The following PTGER3 variants were observed in gnomAD, a reference collection of about 807,000 sequenced individuals.
PTGER3 encodes the protein prostaglandin E receptor 3, also known as prostaglandin E2 receptor EP3 subtype.
In PTGER3, 22 loss-of-function variants were observed where a neutral mutation model predicts 34.7. That is an observed-to-expected ratio of 0.63 (90% CI 0.45 to 0.91). PTGER3 has a LOEUF of 0.91. PTGER3 is among the 40% of genes least tolerant of loss of function. PTGER3 has a pLI of 0.00. For missense variants in PTGER3, 468 were observed against 519.4 expected (o/e 0.90, Z 0.96); for synonymous variants, 241 against 230.1 (o/e 1.05, Z -0.43).
At chr1:70,919,113 AT>A (rs1647297550) in intron 4 of PTGER3, among the ~76,000 whole-genome samples, 1 of 152,160 alleles carries the variant, frequency 6.6e-6, no homozygotes, top group Middle Eastern at 3.4e-3. Context: ...TGGGCTCTAT[AT>A]TTCTTTTATC....
intron 4 of PTGER3, among the ~76,000 whole-genome samples, chr1:70,858,401 T>C (rs2100459847): frequency 6.6e-6 from 1 of 152,312 alleles, no homozygotes; most frequent in Non-Finnish European, 1.5e-5. Context: ...TCTAAATTTC[T>C]ATTATTCTCT....
At chr1:70,996,909 G>C (rs1656034106) in intron 2 of PTGER3, among the ~76,000 whole-genome samples, 2 of 152,058 alleles carry the variant, frequency 1.3e-5, no homozygotes, top group Non-Finnish European at 1.5e-5. Context: ...TGATCCGCCC[G>C]CCTTGGCCTC....
chr1:70,888,225 G>C (rs2100256488), intron 4 of PTGER3, among the ~76,000 whole-genome samples: 1 of 152,128 alleles, frequency 6.6e-6, no homozygotes, highest in Non-Finnish European at 1.5e-5. Flanking sequence ...TCAAAGTGAT[G>C]GCCTTTTATG....
Position 70,978,021 on chromosome 1 carries a change from A to G in PTGER3, c.1078-3633T>C, listed in dbSNP as rs889507893. ...ATTATTTGTAATCGGTACTCTTATC[A>G]TCTTCACTTGAGATATGCAGAAACT... is the stretch of plus-strand genomic sequence containing the variant. On this transcript the variant is annotated intron_variant, in intron 2 of 3. Transcript: ENST00000306666. 3.0e-4 allele frequency among the ~76,000 whole-genome samples: 45 copies of G among 152,238 alleles called. 1 individual carries two copies. Among genetic ancestry groups the G allele is most frequent in the Middle Eastern group, 3.4e-3 (1 of 294 alleles).
At chr1:70,983,903 G>A (rs1274279501) in intron 2 of PTGER3, among the ~76,000 whole-genome samples, 1 of 152,142 alleles carries the variant, frequency 6.6e-6, no homozygotes, top group Non-Finnish European at 1.5e-5. Flanking sequence ...ATCCCTGGAA[G>A]TAGACTTTAA....
At chr1:70,927,792 G>A (rs984861307) in intron 4 of PTGER3, among the ~76,000 whole-genome samples, 1 of 152,118 alleles carries the variant, frequency 6.6e-6, no homozygotes, top group African/African-American at 2.4e-5. Context: ...AAACAGCCAA[G>A]TGGCCAATGA....
chr1:70,859,161 C>T (rs1222821295), intron 4 of PTGER3, among the ~76,000 whole-genome samples: 2 of 152,146 alleles, frequency 1.3e-5, no homozygotes, highest in Non-Finnish European at 2.9e-5. Context: ...GTGAGATGCT[C>T]CTATTCTCAT....
In PTGER3 at chr1:70,971,502, G is replaced by A. The variant is rs1653074173; in HGVS notation, c.*228C>T. On this transcript the variant is annotated 3_prime_UTR_variant, in exon 4 of 4. Coordinates refer to ENST00000306666, the MANE Select transcript of PTGER3 (RefSeq NM_198719.2). ...TGAAATTCTTCCCAACTTCTTAAAT[G>A]CATATTCAAAATCCCATCCAAGAAA... is the stretch of plus-strand genomic sequence containing the variant. 1.7e-6 allele frequency: 2 copies of A among 1,200,544 alleles called. No individual in the cohort carries two copies. The highest frequency in any genetic ancestry group is 3.2e-5 in the African/African-American group (2 of 63,138). The allele number at this position is 1,200,544 out of a possible 1,614,324, so 74.4% of individuals were successfully genotyped here.
intron 4 of PTGER3, among the ~76,000 whole-genome samples, chr1:70,934,418 GGA>G (rs1233802292): frequency 6.6e-6 from 1 of 152,120 alleles, no homozygotes; most frequent in East Asian, 1.9e-4. Flanking sequence ...CTCCCTTTCA[GGA>G]ATTCAGCTAC....
At chr1:70,864,048 T>C (rs1172010970) in intron 4 of PTGER3, among the ~76,000 whole-genome samples, 1 of 152,158 alleles carries the variant, frequency 6.6e-6, no homozygotes, top group Non-Finnish European at 1.5e-5. Context: ...GTAGCAGTTG[T>C]AGCAATAATC....
intron 4 of PTGER3, among the ~76,000 whole-genome samples, chr1:70,939,473 C>G (rs1396704206): frequency 1.3e-5 from 2 of 152,250 alleles, no homozygotes; most frequent in African/African-American, 4.8e-5. Context: ...GGGGCTCTGA[C>G]CCCACATTTC....
chr1:70,993,130 C>T (rs886344030), intron 2 of PTGER3, among the ~76,000 whole-genome samples: 11 of 152,134 alleles, frequency 7.2e-5, no homozygotes, highest in Non-Finnish European at 1.2e-4. Flanking sequence ...CAGATATTCT[C>T]TTATGAACCT....
At chr1:70,865,359 G>T (rs1288077001) in intron 4 of PTGER3, among the ~76,000 whole-genome samples, 4 of 152,006 alleles carry the variant, frequency 2.6e-5, no homozygotes, top group Non-Finnish European at 4.4e-5. Context: ...TAGGTTTAGA[G>T]TGTGAGCTGG....
downstream of PTGER3, among the ~76,000 whole-genome samples, chr1:70,949,535 G>A (rs1650542763): frequency 1.3e-5 from 2 of 152,032 alleles, no homozygotes; most frequent in Admixed American, 1.3e-4. Context: ...TTAGACAAAT[G>A]GTAAAGGTCA....
intron 4 of PTGER3, among the ~76,000 whole-genome samples, chr1:70,896,905 C>CT (rs1198727261): frequency 7.9e-5 from 12 of 152,118 alleles, no homozygotes; most frequent in Admixed American, 6.6e-4. Context: ...CACAATATGG[C>CT]TTGATACTCT....
At chr1:70,908,883 T>A (rs2100379748) in intron 4 of PTGER3, among the ~76,000 whole-genome samples, 1 of 152,290 alleles carries the variant, frequency 6.6e-6, no homozygotes, top group African/African-American at 2.4e-5. Context: ...CCCTATGCAA[T>A]TACAATTACA....
In PTGER3 at chr1:70,971,672, A is replaced by C; in HGVS notation, c.*58T>G. The C allele has an allele frequency of 6.5e-7, 1 of 1,549,104 alleles. No homozygotes were observed. Among genetic ancestry groups the C allele is most frequent in the Non-Finnish European group, 8.7e-7 (1 of 1,150,432 alleles). Reference sequence around the variant, plus strand: ...ATAATTATCCTTCTCAGGTGGGAAGAAATATGCAAATTCAGGGAAGCAGGA... The same window carrying C: ...ATAATTATCCTTCTCAGGTGGGAAGCAATATGCAAATTCAGGGAAGCAGGA... On this transcript the variant is annotated 3_prime_UTR_variant, in exon 4 of 4. Coordinates refer to ENST00000306666, the MANE Select transcript of PTGER3 (RefSeq NM_198719.2).
chr1:70,973,997 C>G (rs1242998568), intron 3 of PTGER3, among the ~76,000 whole-genome samples: 4 of 152,094 alleles, frequency 2.6e-5, no homozygotes, highest in Admixed American at 1.3e-4. Flanking sequence ...CCTTAACATA[C>G]TACTGGAAAC....
At position 70,880,699 on chromosome 1, in the gene PTGER3, A is replaced by G. The variant is rs1048836901; in HGVS notation, c.*24-27840T>C. On this transcript the variant is annotated intron_variant, in intron 4 of 4. Coordinates refer to the PTGER3 transcript ENST00000370931. The stretch of plus-strand genomic sequence containing the variant: ...AGCAAGACTCTGTCAAAAAAAAAAG[A>G]AAAAAAAAAAAAAGAATGGTGAATA... 7.8e-5 allele frequency among the ~76,000 whole-genome samples: 10 copies of G among 128,486 alleles called. No individual in the cohort carries two copies. In the South Asian group the frequency reaches 7.8e-4, roughly 10 times the overall value. 84.3% of individuals were successfully genotyped at this position (128,486 alleles called of 152,430 possible).
Sources: gnomAD v4.1 joint callset for allele counts (sites outside exome capture counted in the v4.1 genomes callset) on GRCh38, gnomAD v4.1.1 for gene constraint, MANE v1.5 for transcripts, NCBI Gene and HGNC (gene_info 2026-07-23, HGNC 2026-07-21) for gene names.